FMN1: variants seen among roughly 807,000 people sequenced by gnomAD.
The protein encoded by FMN1 is formin-1.
Under a neutral mutation model 132.4 loss-of-function variants are expected in FMN1, and 110 were observed. That is an observed-to-expected ratio of 0.83 (90% CI 0.71 to 0.97). FMN1 has a LOEUF of 0.97. Ranked by LOEUF, FMN1 falls within the 50% of genes least tolerant of loss-of-function variation. The pLI is 0.00. For synonymous variants in FMN1, 722 were observed against 651.7 expected, an observed-to-expected ratio of 1.11 and a Z score of -1.64; for missense variants, 1,792 against 1,705.3, an observed-to-expected ratio of 1.05 and a Z score of -0.90.
chr15:33,139,065 T>C (rs1251136194), intron 4 of FMN1, among the ~76,000 whole-genome samples: 3 of 152,352 alleles, frequency 2.0e-5, no homozygotes, highest in East Asian at 1.9e-4. Context: ...TTATGTAAGA[T>C]TATGACACGT....
rs1448492676 is a variant in FMN1, at chr15:33,079,397, A to AGG, written c.2043+9400_2043+9401dup. ...AGCACGCAGGAAGGCTGAGGGAGGG[A>AGG]GGATCACCTGAGATCAGGAGTTCAA... is the stretch of plus-strand genomic sequence containing the variant. On this transcript the variant is annotated intron_variant, in intron 5 of 20. Transcript: ENST00000616417. 1.2e-4 allele frequency among the ~76,000 whole-genome samples: 19 copies of AGG among 152,288 alleles called. 1 individual carries two copies. In the South Asian group the frequency reaches 3.1e-3, roughly 25 times the overall value.
intron 19 of FMN1, among the ~76,000 whole-genome samples, chr15:32,784,156 C>T (rs1164126038): frequency 6.6e-6 from 1 of 152,126 alleles, no homozygotes. Context: ...CTGCTTTACA[C>T]TCCTTTTCAC....
At chr15:33,183,166 C>G (rs1965761368) in intron 2 of FMN1, among the ~76,000 whole-genome samples, 1 of 152,212 alleles carries the variant, frequency 6.6e-6, no homozygotes, top group African/African-American at 2.4e-5. Context: ...AAGAGAATGA[C>G]TTACAATCAA....
intron 6 of FMN1, among the ~76,000 whole-genome samples, chr15:33,053,289 T>C (rs1367602522): frequency 6.6e-6 from 1 of 152,156 alleles, no homozygotes; most frequent in Non-Finnish European, 1.5e-5. Context: ...CTCTGGGGCT[T>C]TGGGGTCGCA....
rs1381095067 is a variant in FMN1 at position 32,902,053 on chromosome 15, A to G, written c.3378-13T>C. 1.2e-6 allele frequency: 2 copies of G among 1,602,636 alleles called. No homozygotes were observed. The highest frequency in any genetic ancestry group is 2.7e-5 in the African/African-American group (2 of 74,150). On this transcript the variant is annotated splice_polypyrimidine_tract_variant and intron_variant, in intron 12 of 20. Coordinates refer to ENST00000616417, the MANE Select transcript of FMN1 (RefSeq NM_001277313.2). ...CTCATGTAAAAATCTGTAAAAAAGA[A>G]AATGTGTCATCTACCTTCACATATA... is the stretch of plus-strand genomic sequence containing the variant.
Position 33,017,637 on chromosome 15 carries a change from T to C in FMN1, c.2162-9562A>G, listed in dbSNP as rs1027738212. Among the ~76,000 whole-genome samples the C allele has an allele frequency of 7.2e-5, 11 of 152,178 alleles. 1 individual carries two copies. ...TTTAGGAATTGTAACTGTCAACCTT[T>C]CCTCATTCAACACATAAGAATTTCT... On this transcript the variant is annotated intron_variant, in intron 6 of 20. Coordinates refer to ENST00000616417, the MANE Select transcript of FMN1 (RefSeq NM_001277313.2).
intron 17 of FMN1, among the ~76,000 whole-genome samples, chr15:32,811,890 C>G (rs1162430221): frequency 6.6e-6 from 1 of 152,136 alleles, no homozygotes; most frequent in Non-Finnish European, 1.5e-5. Flanking sequence ...TCAAGTGATC[C>G]ACCCACCTCA....
chr15:32,931,435 T>C (rs2140385076), intron 9 of FMN1, among the ~76,000 whole-genome samples: 1 of 152,368 alleles, frequency 6.6e-6, no homozygotes, highest in East Asian at 1.9e-4. Flanking sequence ...TATTCCTAAG[T>C]ATTTCATTTT....
chr15:32,997,011 T>C (rs1299957495), intron 7 of FMN1, among the ~76,000 whole-genome samples: 3 of 152,230 alleles, frequency 2.0e-5, no homozygotes, highest in Non-Finnish European at 2.9e-5. Context: ...GCAAGCTGCA[T>C]AGAAGTCTAG....
At chr15:33,069,993 C>CTCTCT (rs398026774) in intron 5 of FMN1, among the ~76,000 whole-genome samples, 24 of 74,324 alleles carry the variant, frequency 3.2e-4, no homozygotes, top group Admixed American at 9.3e-4. Context: ...CAGTCTTTCT[C>CTCTCT]TTTTTTTTTT....
chr15:33,044,822 G>A (rs922950891), intron 6 of FMN1, among the ~76,000 whole-genome samples: 1 of 152,198 alleles, frequency 6.6e-6, no homozygotes, highest in African/African-American at 2.4e-5. Flanking sequence ...TCTCCTCTGA[G>A]CTGCTCTATT....
chr15:32,786,411 CCAGTCAT>C (rs748799038), intron 19 of FMN1, among the ~76,000 whole-genome samples: 1 of 152,102 alleles, frequency 6.6e-6, no homozygotes, highest in Non-Finnish European at 1.5e-5. Flanking sequence ...CTTTGCTCTA[CCAGTCAT>C]TATCAGGGAC....
chr15:32,964,098 A>G lies in FMN1; in HGVS notation c.3138+9T>C. The stretch of plus-strand genomic sequence containing the variant: ...ATATAATTACAGCTTTGCCATAATC[A>G]CTCAGTACCTTTTTGACCTTGTTTT... On this transcript the variant is annotated intron_variant, in intron 9 of 20. Coordinates refer to ENST00000616417, the MANE Select transcript of FMN1 (RefSeq NM_001277313.2). 1 of 1,604,790 alleles carries G rather than the reference A, an allele frequency of 6.2e-7. No homozygotes were observed. Among genetic ancestry groups the G allele is most frequent in the African/African-American group, 1.3e-5 (1 of 74,224 alleles).
At chr15:33,044,986 A>G (rs1396555813) in intron 6 of FMN1, among the ~76,000 whole-genome samples, 2 of 152,190 alleles carry the variant, frequency 1.3e-5, no homozygotes, top group Non-Finnish European at 2.9e-5. Flanking sequence ...TGCTTGCCAC[A>G]TTGTGGGTGA....
intron 6 of FMN1, among the ~76,000 whole-genome samples, chr15:33,049,363 CTAGA>C (rs1306643557): frequency 6.6e-6 from 1 of 152,182 alleles, no homozygotes; most frequent in Non-Finnish European, 1.5e-5. Flanking sequence ...CACATAGCTC[CTAGA>C]CCAGAACAGA....
At chr15:33,031,559 C>T (rs1489212471) in intron 6 of FMN1, among the ~76,000 whole-genome samples, 1 of 152,208 alleles carries the variant, frequency 6.6e-6, no homozygotes, top group Non-Finnish European at 1.5e-5. Flanking sequence ...TACTCGTCCT[C>T]TTCTTCCAGT....
intron 4 of FMN1, among the ~76,000 whole-genome samples, chr15:33,096,074 T>C (rs2039074205): frequency 6.6e-6 from 1 of 150,444 alleles, no homozygotes; most frequent in African/African-American, 2.4e-5. Context: ...AGACTGAAAA[T>C]ACAATATGGC....
At chr15:33,058,846 A>T (rs568473576) in intron 6 of FMN1, among the ~76,000 whole-genome samples, 2 of 152,372 alleles carry the variant, frequency 1.3e-5, no homozygotes, top group South Asian at 4.1e-4. Flanking sequence ...TGGTATGATT[A>T]AATTAAGCTA....
At chr15:33,170,993 G>C (rs534575756) in intron 3 of FMN1, among the ~76,000 whole-genome samples, 3 of 152,124 alleles carry the variant, frequency 2.0e-5, no homozygotes, top group Non-Finnish European at 4.4e-5. Flanking sequence ...GTGTATAAAC[G>C]GATGAGTGGA....
Sources: allele counts gnomAD v4.1 joint callset (sites outside exome capture counted in the v4.1 genomes callset), GRCh38; gene constraint gnomAD v4.1.1; transcripts MANE v1.5; gene names NCBI Gene and HGNC (gene_info 2026-07-23, HGNC 2026-07-21).